Variants in ERCC3 observed in about 807,000 individuals in gnomAD.
ERCC3 encodes the protein ERCC excision repair 3, TFIIH core complex helicase subunit, also known as general transcription and DNA repair factor IIH helicase/translocase subunit XPB.
A neutral mutation model predicts 94.2 loss-of-function variants in ERCC3; 66 were observed. That is an observed-to-expected ratio of 0.70 (90% CI 0.57 to 0.86). The LOEUF (loss-of-function observed/expected upper bound fraction) is 0.86, where lower values mean the gene tolerates loss of function less well. Among genes scored for constraint, ERCC3 ranks in the 40% least tolerant of loss-of-function variants. ERCC3 has a pLI of 0.00. For missense variants in ERCC3, 829 were observed against 987.1 expected, an observed-to-expected ratio of 0.84 and a Z score of 2.15; for synonymous variants, 349 against 369.1, an observed-to-expected ratio of 0.95 and a Z score of 0.63.
rs779403505 is a variant in ERCC3 at position 127,274,622 on chromosome 2, C to T, written c.1731-1661G>A. ...ATTAGCCCAGTCACAAGCTGCCTTG[C>T]CGTGATCCAGAATGTCCCGGCCACC... On this transcript the variant is annotated intron_variant, in intron 10 of 14. Transcript: ENST00000285398. The surrounding 1 kb of genome is among the most constrained non-coding windows in gnomAD (Gnocchi z 4.0). 1.3e-5 allele frequency among the ~76,000 whole-genome samples: 2 copies of T among 152,204 alleles called. No homozygotes were observed. The highest frequency in any genetic ancestry group is 2.9e-5 in the Non-Finnish European group (2 of 68,032).
At position 127,272,961 on chromosome 2, in the gene ERCC3, T is replaced by C; in HGVS notation, c.1731A>G (p.Lys577=). The change falls in exon 11 of 15, where the codon AAA becomes AAG. Residue 577 remains lysine, a splice_region_variant and synonymous_variant. Transcript: ENST00000285398. ...GAGACGTAGGTCCGTAGATATAGGG[T>C]CTAGAGAAGAATGAAGCTGTGTTAG... ...ALKEYAIRLN[K]PYIYGPTSQG... is the part of the protein sequence containing the mutation. 1 of 1,590,184 alleles carries C rather than the reference T, an allele frequency of 6.3e-7. No homozygotes were observed.
At position 127,279,499 on chromosome 2, in the gene ERCC3, T is replaced by C. The variant is rs1303979935; in HGVS notation, c.1528-124A>G. 8 of 764,356 alleles carry C rather than the reference T, an allele frequency of 1.0e-5. No individual in the cohort carries two copies. In the East Asian group the frequency reaches 1.9e-4, roughly 18 times the overall value. The allele number at this position is 764,356 out of a possible 1,614,324, so 47.3% of individuals were successfully genotyped here. Reference sequence around the variant, plus strand: ...AAAACCAGTCAGGTGCAGTGGCTCATGCCTGTAATGCCAGCAGTTTGGGAG... The same window carrying C: ...AAAACCAGTCAGGTGCAGTGGCTCACGCCTGTAATGCCAGCAGTTTGGGAG... On this transcript the variant is annotated intron_variant, in intron 9 of 14. Transcript: ENST00000285398. This position sits in a 1 kb window ranked among gnomAD's most constrained non-coding sequence, Gnocchi z 4.7.
chr2:127,290,354 C>G (rs1353358494), intron 3 of ERCC3, 81 bp from the exon 4 acceptor site: 1 of 1,167,212 alleles, frequency 8.6e-7, no homozygotes, highest in Admixed American at 1.7e-5. Flanking sequence ...CTTACACCTA[C>G]CAACCAAGTG....
At chr2:127,270,016 A>ATG (rs1684500677) in intron 12 of ERCC3, among the ~76,000 whole-genome samples, 1 of 133,048 alleles carries the variant, frequency 7.5e-6, no homozygotes, top group Non-Finnish European at 1.7e-5. Flanking sequence ...ATAAGACTCT[A>ATG]TCTCAATCAA....
In ERCC3 at chr2:127,289,330, C is replaced by A; in HGVS notation, c.822+7G>T. On this transcript the variant is annotated splice_region_variant and intron_variant, in intron 6 of 14. Transcript: ENST00000285398. ...GAAGGAACCAGGAGGAAGGTACATTCACTAACCTGCTTGACTTCAAAAGAC... is the reference window on the plus strand; with the variant it reads ...GAAGGAACCAGGAGGAAGGTACATTAACTAACCTGCTTGACTTCAAAAGAC... 6.2e-7 allele frequency: 1 copy of A among 1,613,514 alleles called. No individual in the cohort carries two copies. The highest frequency in any genetic ancestry group is 8.5e-7 in the Non-Finnish European group (1 of 1,179,758).
chr2:127,260,326 T>TG (rs1454775507), intron 13 of ERCC3: 1 of 152,356 alleles, frequency 6.6e-6, no homozygotes, highest in Non-Finnish European at 1.5e-5. Context: ...TCTGACCTGG[T>TG]GCTCCTCTTA....
At chr2:127,275,403 A>C (rs1053815046) in intron 10 of ERCC3, among the ~76,000 whole-genome samples, 4 of 152,084 alleles carry the variant, frequency 2.6e-5, no homozygotes, top group Non-Finnish European at 5.9e-5. Flanking sequence ...CCAGAGACAC[A>C]AAAAAAAGGT....
At position 127,289,758 on chromosome 2, in the gene ERCC3, T is replaced by C. The variant is rs778246832; in HGVS notation, c.588A>G (p.Glu196=). Residue 196 remains glutamate, a synonymous_variant, in exon 5 of 15, where the codon GAA becomes GAG. Transcript: ENST00000285398. The part of the protein sequence containing the change: ...QHLLQDPVIR[E]CRLRNSEGEA... ...CCCCTTCAGAGTTTCTTAAGCGGCA[T>C]TCTCGGATCACGGGGTCCTGGAGAA... The C allele has an allele frequency of 6.2e-7, 1 of 1,614,146 alleles. No homozygotes were observed. The highest frequency in any genetic ancestry group is 1.1e-5 in the South Asian group (1 of 91,084).
rs1170759956 is a variant in ERCC3 at position 127,292,787 on chromosome 2, G to A, written c.294C>T (p.Asp98=). 1.2e-6 allele frequency: 2 copies of A among 1,613,788 alleles called. No homozygotes were observed. Among genetic ancestry groups the A allele is most frequent in the Non-Finnish European group, 8.5e-7 (1 of 1,180,012 alleles). ...AFSPVYKYAQ[D]FLVAIAEPVC... is the part of the protein sequence containing the mutation. ...CTGGCTCTGCAATAGCCACCAAGAA[G>A]TCTTGGGCATATTTGTAAACTGGAG... The change falls in exon 3 of 15, where the codon GAC becomes GAT. Residue 98 remains aspartate (D), a synonymous_variant. Transcript: ENST00000285398.
At position 127,259,523 on chromosome 2, in the gene ERCC3, C is replaced by T; in HGVS notation, c.2065-75G>A. The T allele has an allele frequency of 6.3e-7, 1 of 1,597,704 alleles. No homozygotes were observed. Among genetic ancestry groups the T allele is most frequent in the African/African-American group, 1.3e-5 (1 of 74,858 alleles). ...GCCCTCCTCTGCCTTCTCCTGGGTCCACCTGCTTTGGTCACTTCCCTCCCC... is the reference window on the plus strand; with the variant it reads ...GCCCTCCTCTGCCTTCTCCTGGGTCTACCTGCTTTGGTCACTTCCCTCCCC... On this transcript the variant is annotated intron_variant, in intron 13 of 14. Coordinates refer to ENST00000285398, the MANE Select transcript of ERCC3 (RefSeq NM_000122.2). The surrounding 1 kb of genome is among the most constrained non-coding windows in gnomAD (Gnocchi z 4.9).
In ERCC3 at chr2:127,293,644, G is replaced by T. The variant is rs1250589018; in HGVS notation, c.103C>A (p.Gln35Lys). Reference protein sequence around the residue: ...DEEDAPGNDPQEAVPSAAGKQ... With the variant: ...DEEDAPGNDPKEAVPSAAGKQ... ...CCCGCCGCCGAGGGAACCGCTTCCT[G>T]AGGGTCGTTCCCCGGGGCGTCCTCT... Residue 35 changes from glutamine (Q) to lysine (K), a missense_variant, in exon 2 of 15, where the codon CAG becomes AAG. Physicochemically the swap from Gln to Lys is moderately conservative, Grantham distance 53. Transcript: ENST00000285398. 27 of 1,614,046 alleles carry T rather than the reference G, an allele frequency of 1.7e-5. No individual in the cohort carries two copies. Among genetic ancestry groups the T allele is most frequent in the Non-Finnish European group, 2.2e-5 (26 of 1,180,032 alleles).
At chr2:127,293,238 G>A (rs1403486684) in intron 2 of ERCC3, among the ~76,000 whole-genome samples, 2 of 152,162 alleles carry the variant, frequency 1.3e-5, no homozygotes, top group Non-Finnish European at 2.9e-5. Context: ...CTATTTATTC[G>A]GCAGATAAAA....
chr2:127,293,467 C>T, intron 2 of ERCC3, 46 bp downstream of exon 2: 1 of 1,558,104 alleles, frequency 6.4e-7, no homozygotes, highest in Non-Finnish European at 8.8e-7. Context: ...ATTTAGCTGC[C>T]GCTCCGCACA....
In ERCC3 at chr2:127,259,664, T is replaced by C; in HGVS notation, c.2065-216A>G. On this transcript the variant is annotated intron_variant, in intron 13 of 14. Coordinates refer to ENST00000285398, the MANE Select transcript of ERCC3 (RefSeq NM_000122.2). The surrounding 1 kb of genome is among the most constrained non-coding windows in gnomAD (Gnocchi z 4.9). ...ACTAATGATCTCAAGACCAGAGGGATGCAGGAATTTCAGAGAAATCTGCCC... is the reference window on the plus strand; with the variant it reads ...ACTAATGATCTCAAGACCAGAGGGACGCAGGAATTTCAGAGAAATCTGCCC... 1 of 591,754 alleles carries C rather than the reference T, an allele frequency of 1.7e-6. No individual in the cohort carries two copies. The highest frequency in any genetic ancestry group is 2.8e-5 in the Admixed American group (1 of 35,504). The allele number at this position is 591,754 out of a possible 1,614,324, so 36.7% of individuals were successfully genotyped here. A position where few individuals can be genotyped will look rare whatever the true frequency, so the allele number is the denominator to read the frequency against.
intron 12 of ERCC3, among the ~76,000 whole-genome samples, chr2:127,265,187 T>C (rs544084063): frequency 1.3e-5 from 2 of 152,266 alleles, no homozygotes; most frequent in African/African-American, 4.8e-5. Context: ...TTTCTCCTTA[T>C]TGATCTGTTC....
chr2:127,261,000 A>G, intron 13 of ERCC3: 2 of 547,646 alleles, frequency 3.7e-6, no homozygotes, highest in South Asian at 4.0e-5. Context: ...TCAGATTCAC[A>G]CAGTGCTGGT....
In ERCC3 at chr2:127,266,374, T is replaced by G. The variant is rs534808623; in HGVS notation, c.1945+4962A>C. On this transcript the variant is annotated intron_variant, in intron 12 of 14. Transcript: ENST00000285398. ...TTTTTTTGAGAGAGTCTCGCTCTGT[T>G]GCCCAGGCTGGAGTGCAGTGGCGCG... Among the ~76,000 whole-genome samples the G allele has an allele frequency of 6.4e-4, 95 of 148,252 alleles. 2 individuals are homozygous for G. The South Asian group carries it at 0.014, about 22-fold the overall frequency.
rs1684770946 is a variant in ERCC3, at chr2:127,277,601, G to A, written c.1730+1572C>T. Among the ~76,000 whole-genome samples the A allele has an allele frequency of 6.6e-6, 1 of 152,064 alleles. No individual in the cohort carries two copies. The highest frequency in any genetic ancestry group is 2.4e-5 in the African/African-American group (1 of 41,408). On this transcript the variant is annotated intron_variant, in intron 10 of 14. Transcript: ENST00000285398. This position sits in a 1 kb window ranked among gnomAD's most constrained non-coding sequence, Gnocchi z 5.1. The stretch of plus-strand genomic sequence containing the variant: ...AGCTACTCAGGAGGCTGAGGCAGGA[G>A]AATCACTTGAACCCACAAGGCAGAG...
intron 12 of ERCC3, among the ~76,000 whole-genome samples, chr2:127,266,498 C>T (rs938961698): frequency 1.3e-5 from 2 of 151,354 alleles, no homozygotes; most frequent in East Asian, 2.0e-4. Flanking sequence ...ACCACACACC[C>T]GGCTAATTTT....
Sources: gnomAD v4.1 joint callset for allele counts (sites outside exome capture counted in the v4.1 genomes callset) on GRCh38, gnomAD v4.1.1 for gene constraint, Gnocchi (gnomAD v3.1) non-coding constraint, MANE v1.5 for transcripts, NCBI Gene and HGNC (gene_info 2026-07-23, HGNC 2026-07-21) for gene names.